DNAAF9: variants seen among roughly 807,000 people sequenced by gnomAD.
DNAAF9 encodes the protein dynein axonemal assembly factor 9, also known as shulin.
A neutral mutation model predicts 167.0 loss-of-function variants in DNAAF9; 90 were observed. The ratio of observed to expected loss-of-function variants is 0.54; its 90% CI spans 0.45 to 0.64. DNAAF9 has a LOEUF of 0.64. DNAAF9 is among the 30% of genes least tolerant of loss of function. DNAAF9 has a pLI of 0.00. For missense variants in DNAAF9, 1,315 were observed against 1,442.2 expected (o/e 0.91, Z 1.43); for synonymous variants, 491 against 508.8 (o/e 0.96, Z 0.47).
chr20:3,296,463 G>C (rs1473380594), intron 23 of DNAAF9: 19 of 283,918 alleles, frequency 6.7e-5, no homozygotes, highest in African/African-American at 1.1e-4. Flanking sequence ...CTGCAACCTT[G>C]AATTCCTGGG....
chr20:3,335,044 A>G (rs1290640304), intron 10 of DNAAF9, among the ~76,000 whole-genome samples: 2 of 152,250 alleles, frequency 1.3e-5, no homozygotes, highest in Non-Finnish European at 2.9e-5. Context: ...CAGACCTGAG[A>G]GCAGAAATTG....
In DNAAF9 at chr20:3,315,896, A is replaced by G. The variant is rs1210822981; in HGVS notation, c.1540-111T>C. On this transcript the variant is annotated intron_variant, in intron 18 of 36. Coordinates refer to ENST00000252032, the MANE Select transcript of DNAAF9 (RefSeq NM_001009984.3). The surrounding 1 kb of genome is among the most constrained non-coding windows in gnomAD (Gnocchi z 4.1). ...AGGACACTGGCTGGACAGTCCTTCC[A>G]CCATGTCCATGTCCAGTGCTCTCAG... The G allele has an allele frequency of 4.7e-6, 4 of 855,556 alleles. No homozygotes were observed. Among genetic ancestry groups the G allele is most frequent in the Non-Finnish European group, 8.1e-6 (4 of 494,314 alleles). 53.0% of individuals were successfully genotyped at this position (855,556 alleles called of 1,614,324 possible).
intron 27 of DNAAF9, 39 bp from the exon 28 acceptor site, chr20:3,281,805 G>A: frequency 2.5e-6 from 4 of 1,586,520 alleles, no homozygotes; most frequent in Non-Finnish European, 3.4e-6. Flanking sequence ...TTCACTGACT[G>A]GCATTGCAAA....
rs386393120 is a variant in DNAAF9 at position 3,268,897 on chromosome 20, C to CTTTTTTTTTTTTTTTTTTTTTTTTTTTTT, written c.2786+1529_2786+1530insAAAAAAAAAAAAAAAAAAAAAAAAAAAAA. On this transcript the variant is annotated intron_variant, in intron 30 of 36. Transcript: ENST00000252032. Reference sequence around the variant, plus strand: ...GTAAAGAGATAATATCTCTATGTTACTTTTTTTTTTTTTTTTTTTTTTTTG... The same window carrying CTTTTTTTTTTTTTTTTTTTTTTTTTTTTT: ...GTAAAGAGATAATATCTCTATGTTACTTTTTTTTTTTTTTTTTTTTTTTTTTTTTTTTTTTTTTTTTTTTTTTTTTTTTG... Among the ~76,000 whole-genome samples, 40 of 85,844 alleles carry CTTTTTTTTTTTTTTTTTTTTTTTTTTTTT rather than the reference C, an allele frequency of 4.7e-4. 6 individuals carry two copies. Among genetic ancestry groups the CTTTTTTTTTTTTTTTTTTTTTTTTTTTTT allele is most frequent in the Non-Finnish European group, 7.5e-4 (35 of 46,588 alleles). 56.3% of individuals were successfully genotyped at this position (85,844 alleles called of 152,430 possible). A position where few individuals can be genotyped will look rare whatever the true frequency, so the allele number is the denominator to read the frequency against.
At chr20:3,260,163 C>T in intron 31 of DNAAF9, 135 bp from the exon 32 acceptor site, 1 of 519,160 alleles carries the variant, frequency 1.9e-6, no homozygotes, top group South Asian at 2.1e-5. Context: ...CAAGGTGAAA[C>T]CCCGTCTCTA....
intron 1 of DNAAF9, among the ~76,000 whole-genome samples, chr20:3,394,759 T>C (rs532780080): frequency 1.3e-5 from 2 of 152,120 alleles, no homozygotes; most frequent in East Asian, 1.9e-4. Flanking sequence ...GATCTATTGT[T>C]TGGATCTCTA....
At position 3,308,341 on chromosome 20, in the gene DNAAF9, C is replaced by CTT. The variant is rs35610785; in HGVS notation, c.1679-3800_1679-3799dup. Reference sequence around the variant, plus strand: ...ATGCTCAGTGCTGTACAAAACTTTACTTTTTTTTTTTTTTTTTTTGAGATG... The same window carrying CTT: ...ATGCTCAGTGCTGTACAAAACTTTACTTTTTTTTTTTTTTTTTTTTTGAGATG... On this transcript the variant is annotated intron_variant, in intron 20 of 36. Coordinates refer to ENST00000252032, the MANE Select transcript of DNAAF9 (RefSeq NM_001009984.3). Among the ~76,000 whole-genome samples, 148 of 105,392 alleles carry CTT rather than the reference C, an allele frequency of 1.4e-3. 3 individuals carry two copies. Among genetic ancestry groups the CTT allele is most frequent in the Middle Eastern group, 5.3e-3 (1 of 188 alleles). 69.1% of individuals were successfully genotyped at this position (105,392 alleles called of 152,430 possible). A position where few individuals can be genotyped will look rare whatever the true frequency, so the allele number is the denominator to read the frequency against.
chr20:3,351,479 C>G (rs917132372), intron 7 of DNAAF9, among the ~76,000 whole-genome samples: 10 of 146,460 alleles, frequency 6.8e-5, no homozygotes, highest in African/African-American at 2.3e-4. Flanking sequence ...AGTGAGACTC[C>G]ATCTCAAAAA....
chr20:3,337,397 G>A (rs528403571), intron 10 of DNAAF9, among the ~76,000 whole-genome samples: 17 of 150,432 alleles, frequency 1.1e-4, no homozygotes, highest in East Asian at 2.0e-4. Flanking sequence ...CCAAGCAGCC[G>A]GGACTACAGG....
chr20:3,374,215 C>CCTG, intron 5 of DNAAF9, 61 bp from the exon 6 acceptor site: 1 of 1,175,126 alleles, frequency 8.5e-7, no homozygotes, highest in Non-Finnish European at 1.3e-6. Flanking sequence ...CAGTCTAAAC[C>CCTG]TGACCTAACA....
intron 9 of DNAAF9, among the ~76,000 whole-genome samples, chr20:3,342,076 T>C (rs1321296901): frequency 6.6e-6 from 1 of 152,198 alleles, no homozygotes; most frequent in East Asian, 1.9e-4. Context: ...ACTGCCTTTA[T>C]GTTATTTTCT....
intron 6 of DNAAF9, among the ~76,000 whole-genome samples, chr20:3,365,776 T>C (rs1196312899): frequency 6.6e-6 from 1 of 152,236 alleles, no homozygotes; most frequent in Non-Finnish European, 1.5e-5. Flanking sequence ...TTAACTAAGT[T>C]TGCAGAATAT....
intron 11 of DNAAF9, 111 bp from the exon 12 acceptor site, chr20:3,330,793 T>C: frequency 2.8e-6 from 1 of 357,564 alleles, no homozygotes; most frequent in Non-Finnish European, 5.1e-6. Flanking sequence ...GAACTACACT[T>C]TTTTTTTTTT....
chr20:3,356,277 C>T (rs1178913828), intron 7 of DNAAF9, among the ~76,000 whole-genome samples: 1 of 152,218 alleles, frequency 6.6e-6, no homozygotes, highest in Non-Finnish European at 1.5e-5. Flanking sequence ...CTCGGCCTCC[C>T]AAAGTGCTGG....
At chr20:3,330,791 CTT>C (rs34084211) in intron 11 of DNAAF9, 109 bp from the exon 12 acceptor site, 7,841 of 409,076 alleles carry the variant, frequency 0.019, no homozygotes, top group South Asian at 0.031. Context: ...AAGAACTACA[CTT>C]TTTTTTTTTT....
At chr20:3,287,605 T>C (rs762728988) in intron 27 of DNAAF9, 27 bp downstream of exon 27, 9 of 1,611,886 alleles carry the variant, frequency 5.6e-6, no homozygotes, top group Non-Finnish European at 7.6e-6. Context: ...CTGATTCGAC[T>C]GTTTCCAGGA....
chr20:3,362,045 A>C (rs2083371216), intron 6 of DNAAF9: 2 of 1,448,022 alleles, frequency 1.4e-6, no homozygotes, highest in Admixed American at 3.5e-5. Flanking sequence ...TAGAACTATT[A>C]ACTCCATTCA....
At chr20:3,271,917 C>T (rs1600683557) in intron 29 of DNAAF9, among the ~76,000 whole-genome samples, 4 of 152,220 alleles carry the variant, frequency 2.6e-5, no homozygotes, top group African/African-American at 7.2e-5. Context: ...CCGCACCCAG[C>T]TGTACTTCTT....
chr20:3,284,100 TC>T (rs2068808173), intron 27 of DNAAF9, among the ~76,000 whole-genome samples: 1 of 149,780 alleles, frequency 6.7e-6, no homozygotes, highest in African/African-American at 2.5e-5. Context: ...CCCATAATCA[TC>T]CTGGGTGAGG....
Sources: allele counts gnomAD v4.1 joint callset (sites outside exome capture counted in the v4.1 genomes callset), GRCh38; gene constraint gnomAD v4.1.1; non-coding constraint Gnocchi (gnomAD v3.1); transcripts MANE v1.5; gene names NCBI Gene and HGNC (gene_info 2026-07-23, HGNC 2026-07-21).